Variants in MAP3K1 observed in about 807,000 individuals in gnomAD.
MAP3K1 encodes the protein mitogen-activated protein kinase kinase kinase 1.
Under a neutral mutation model 144.2 loss-of-function variants are expected in MAP3K1, and 36 were observed. The observed-to-expected ratio is 0.25, with a 90% confidence interval of 0.19 to 0.33. The LOEUF (loss-of-function observed/expected upper bound fraction) is 0.33. MAP3K1 is among the 10% of genes least tolerant of loss of function. The probability of loss-of-function intolerance (pLI) is 1.00; values close to 1 mark genes in which losing one functional copy is unlikely to be tolerated. For synonymous variants in MAP3K1, 718 were observed against 688.7 expected (o/e 1.04, Z -0.67); for missense variants, 1,650 against 1,881.9 (o/e 0.88, Z 2.28).
rs1392619454 is a variant in MAP3K1 at position 56,884,823 on chromosome 5, G to C, written c.3979G>C (p.Ala1327Pro). The change falls in exon 16 of 20, where the codon GCA becomes CCA. Residue 1327 changes from alanine to proline, a missense_variant. Ala to Pro is a conservative substitution (Grantham distance 27). Around this residue, in one of 6 missense-constraint regions of MAP3K1, gnomAD observed 165 missense variants for 322.9 expected, o/e 0.51. Transcript: ENST00000399503. Reference sequence around the variant, plus strand: ...TTACAATCTCTTCATTGAATGGATGGCAGGTATGTTAATGTTTTAAATTAC... The same window carrying C: ...TTACAATCTCTTCATTGAATGGATGCCAGGTATGTTAATGTTTTAAATTAC... ...SNYNLFIEWM[A>P]GGSVAHLLSK... The C allele has an allele frequency of 6.2e-7, 1 of 1,613,326 alleles. No homozygotes were observed. Among genetic ancestry groups the C allele is most frequent in the East Asian group, 2.2e-5 (1 of 44,778 alleles).
At chr5:56,829,318 GACC>G (rs1561165255) in intron 1 of MAP3K1, among the ~76,000 whole-genome samples, 1 of 151,248 alleles carries the variant, frequency 6.6e-6, no homozygotes. Flanking sequence ...GCGTAGCTGG[GACC>G]ACAGGTGCAT....
chr5:56,849,645 T>G (rs375490836), intron 1 of MAP3K1, among the ~76,000 whole-genome samples: 2 of 152,222 alleles, frequency 1.3e-5, no homozygotes, highest in Non-Finnish European at 2.9e-5. Flanking sequence ...ATGGTTTATT[T>G]AATCTTCCTT....
chr5:56,895,003 A>T lies in MAP3K1; in HGVS notation c.*1323A>T. On this transcript the variant is annotated 3_prime_UTR_variant, in exon 20 of 20. Transcript: ENST00000399503. ...TTTTTGTGTGTGTGTGAGTCTTTTA[A>T]ATCAAGTACTGATTAACTATTAAGT... 4.3e-6 allele frequency: 1 copy of T among 231,928 alleles called. No homozygotes were observed. 14.4% of individuals were successfully genotyped at this position (231,928 alleles called of 1,614,324 possible).
chr5:56,817,687 A>G (rs984929341), intron 1 of MAP3K1, among the ~76,000 whole-genome samples: 23 of 152,236 alleles, frequency 1.5e-4, no homozygotes, highest in African/African-American at 5.3e-4. Context: ...GGCAACTTCT[A>G]CTTTAAATGA....
At position 56,891,594 on chromosome 5, in the gene MAP3K1, T is replaced by C. The variant is rs557460990; in HGVS notation, c.4390-1937T>C. Among the ~76,000 whole-genome samples the C allele has an allele frequency of 1.1e-4, 17 of 152,346 alleles. No individual in the cohort carries two copies. In the East Asian group the frequency reaches 3.3e-3, roughly 29 times the overall value. ...TTTGTTGCCATTGCTTTTGGTGTTT[T>C]AGACATGAAGTCCTTGCCCATGCCT... is the stretch of plus-strand genomic sequence containing the variant. On this transcript the variant is annotated intron_variant, in intron 19 of 19. Coordinates refer to ENST00000399503, the MANE Select transcript of MAP3K1 (RefSeq NM_005921.2).
chr5:56,838,404 G>T (rs745865725), intron 1 of MAP3K1, among the ~76,000 whole-genome samples: 30 of 152,138 alleles, frequency 2.0e-4, no homozygotes, highest in Non-Finnish European at 3.4e-4. Context: ...GCAATTATTT[G>T]GTTCTATGAA....
intron 10 of MAP3K1, among the ~76,000 whole-genome samples, chr5:56,875,643 C>CTAGTGGAA (rs1406664548): frequency 6.6e-5 from 10 of 151,538 alleles, no homozygotes; most frequent in Non-Finnish European, 1.5e-5. Context: ...CCTCCTTTTC[C>CTAGTGGAA]ACTTACCACT....
chr5:56,857,659 C>T (rs1007244052), intron 2 of MAP3K1, among the ~76,000 whole-genome samples: 1 of 152,174 alleles, frequency 6.6e-6, no homozygotes, highest in Non-Finnish European at 1.5e-5. Flanking sequence ...CTCAGTCTCA[C>T]CAACTACATT....
At chr5:56,865,607 G>A (rs1747650768) in intron 5 of MAP3K1, 151 bp downstream of exon 5, 1 of 684,368 alleles carries the variant, frequency 1.5e-6, no homozygotes. Context: ...GTTCTCATGA[G>A]ATATTTACTA....
chr5:56,888,179 C>G, intron 18 of MAP3K1, 47 bp from the exon 19 acceptor site: 1 of 1,593,646 alleles, frequency 6.3e-7, no homozygotes, highest in Non-Finnish European at 8.6e-7. Context: ...ATGGCCTTCT[C>G]TTTTTCAAAT....
chr5:56,852,821 A>G (rs772544640), intron 1 of MAP3K1, among the ~76,000 whole-genome samples: 2 of 152,188 alleles, frequency 1.3e-5, no homozygotes, highest in Non-Finnish European at 2.9e-5. Context: ...TGTTTAGATT[A>G]GCTTTGGTTA....
chr5:56,829,127 C>T (rs1436200826), intron 1 of MAP3K1, among the ~76,000 whole-genome samples: 4 of 151,526 alleles, frequency 2.6e-5, no homozygotes, highest in African/African-American at 9.7e-5. Flanking sequence ...ATTGCACCAA[C>T]TTGAATCGTA....
rs1435611574 is a variant in MAP3K1 at position 56,816,052 on chromosome 5, CCGGGTGAGCAGCACGGCCGGGGTCGCGG to C, written c.482+2_482+29del. The stretch of plus-strand genomic sequence containing the variant: ...GAGCCGTCTCCTGCAGCGGCCCCCG[CCGGGTGAGCAGCACGGCCGGGGTCGCGG>C]CGGGGACTTGGAGAGCGGGCAGAGG... On this transcript the variant is annotated splice_donor_variant and splice_donor_5th_base_variant and coding_sequence_variant and intron_variant, in exon 1 of 20. Transcript: ENST00000399503. LOFTEE classifies it high-confidence loss of function. The C allele has an allele frequency of 8.2e-7, 1 of 1,216,012 alleles. No homozygotes were observed. The allele number at this position is 1,216,012 out of a possible 1,614,324, so 75.3% of individuals were successfully genotyped here.
At chr5:56,873,146 T>C in intron 9 of MAP3K1, 141 bp downstream of exon 9, 2 of 782,310 alleles carry the variant, frequency 2.6e-6, no homozygotes, top group Non-Finnish European at 4.2e-6. Context: ...CTGGAAATTT[T>C]AATGTTACTT....
chr5:56,844,054 A>G (rs1187207395), intron 1 of MAP3K1, among the ~76,000 whole-genome samples: 1 of 152,142 alleles, frequency 6.6e-6, no homozygotes, highest in African/African-American at 2.4e-5. Context: ...GAGATTAATG[A>G]CACATGTAGG....
chr5:56,871,860 C>G, intron 6 of MAP3K1, 50 bp from the exon 7 acceptor site: 1 of 1,583,782 alleles, frequency 6.3e-7, no homozygotes, highest in Non-Finnish European at 8.7e-7. Flanking sequence ...CATATCCGTT[C>G]TACTTTATAT....
Position 56,875,079 on chromosome 5 carries a change from T to A in MAP3K1, c.1734T>A (p.Asn578Lys). ...GCTGCTTATTTTCTAGAAACTGGAA[T>A]GTGAGAGAGATGGCCCTCAGGCGTC... is the stretch of plus-strand genomic sequence containing the variant. ...LVGCLFSRNWNVREMALRRLS... is the reference protein window; with the variant it reads ...LVGCLFSRNWKVREMALRRLS... Residue 578 changes from asparagine (N) to lysine (K), a missense_variant, in exon 10 of 20, where the codon AAT becomes AAA. Physicochemically the swap from Asn to Lys is moderately conservative, Grantham distance 94. Transcript: ENST00000399503. 1.9e-6 allele frequency: 3 copies of A among 1,614,220 alleles called. No homozygotes were observed. Among genetic ancestry groups the A allele is most frequent in the Non-Finnish European group, 2.5e-6 (3 of 1,180,030 alleles).
At chr5:56,858,246 A>C (rs1197455312) in intron 2 of MAP3K1, among the ~76,000 whole-genome samples, 2 of 152,236 alleles carry the variant, frequency 1.3e-5, no homozygotes, top group African/African-American at 4.8e-5. Context: ...CAAACAGCCT[A>C]AATCTTTTGA....
rs575973689 is a variant in MAP3K1, at chr5:56,816,204, G to T, written c.482+149G>T. The T allele has an allele frequency of 4.2e-5, 34 of 813,828 alleles. No individual in the cohort carries two copies. In the South Asian group the frequency reaches 1.5e-3, roughly 37 times the overall value. The allele number at this position is 813,828 out of a possible 1,614,324, so 50.4% of individuals were successfully genotyped here. A position where few individuals can be genotyped will look rare whatever the true frequency, so the allele number is the denominator to read the frequency against. On this transcript the variant is annotated intron_variant, in intron 1 of 19. Coordinates refer to ENST00000399503, the MANE Select transcript of MAP3K1 (RefSeq NM_005921.2). ...GGACCTACGCCCCTGAGCACCCCCC[G>T]ACCCCTTCGGAGTCGGGCGGCGCCC...
Sources: allele counts gnomAD v4.1 joint callset (sites outside exome capture counted in the v4.1 genomes callset), GRCh38; gene constraint gnomAD v4.1.1; regional missense constraint gnomAD v4.1.1; transcripts MANE v1.5; gene names NCBI Gene and HGNC (gene_info 2026-07-23, HGNC 2026-07-21).